Variants in FYB2 observed in about 807,000 individuals in gnomAD.
FYB2 encodes FYN binding protein 2, also known as FYN-binding protein 2.
Under a neutral mutation model 94.1 loss-of-function variants are expected in FYB2, and 103 were observed. The observed-to-expected ratio is 1.09, with a 90% CI of 0.93 to 1.29. The LOEUF is 1.29. Ranked by LOEUF, FYB2 falls within the 50% of genes most tolerant of loss-of-function variation. The pLI is 0.00. For missense variants in FYB2, 896 were observed against 841.5 expected, an observed-to-expected ratio of 1.06 and a Z score of -0.80; for synonymous variants, 293 against 287.9, an observed-to-expected ratio of 1.02 and a Z score of -0.18.
At chr1:56,778,264 T>A (rs1478959454) in intron 4 of FYB2, among the ~76,000 whole-genome samples, 1 of 152,178 alleles carries the variant, frequency 6.6e-6, no homozygotes, top group African/African-American at 2.4e-5. Flanking sequence ...CCCACCTATT[T>A]CTGTACACCA....
At chr1:56,746,075 GCTTT>G (rs1340573761) in intron 9 of FYB2, among the ~76,000 whole-genome samples, 1 of 143,080 alleles carries the variant, frequency 7.0e-6, no homozygotes, top group African/African-American at 2.8e-5. Flanking sequence ...CTCTTAGCTT[GCTTT>G]ATTTTTTCAT....
chr1:56,737,762 C>G (rs1557593765), intron 14 of FYB2: 1 of 152,034 alleles, frequency 6.6e-6, no homozygotes, highest in Non-Finnish European at 1.5e-5. Context: ...TTGAGACCTT[C>G]TAGTATAATT....
intron 1 of FYB2, among the ~76,000 whole-genome samples, chr1:56,802,372 A>G (rs1646542430): frequency 6.6e-6 from 1 of 152,206 alleles, no homozygotes; most frequent in African/African-American, 2.4e-5. Context: ...TTATGCAGGC[A>G]ATTACCTAAC....
chr1:56,817,344 C>T (rs1646907524), intron 1 of FYB2, among the ~76,000 whole-genome samples: 1 of 152,188 alleles, frequency 6.6e-6, no homozygotes, highest in South Asian at 2.1e-4. Flanking sequence ...CCCATTAATT[C>T]CTATACCTTT....
At chr1:56,805,894 T>C (rs938680209) in intron 1 of FYB2, among the ~76,000 whole-genome samples, 10 of 152,146 alleles carry the variant, frequency 6.6e-5, no homozygotes, top group African/African-American at 2.4e-4. Context: ...GAACTGTAAG[T>C]CCATTAAACC....
At chr1:56,792,010 G>A in intron 2 of FYB2, 46 bp downstream of exon 2, 1 of 1,515,532 alleles carries the variant, frequency 6.6e-7, no homozygotes, top group Non-Finnish European at 8.8e-7. Flanking sequence ...AGAAAAACAT[G>A]ATGACACCTC....
At chr1:56,781,082 T>G (rs571136473) in intron 4 of FYB2, among the ~76,000 whole-genome samples, 1 of 152,330 alleles carries the variant, frequency 6.6e-6, no homozygotes, top group South Asian at 2.1e-4. Context: ...CTTAATTACC[T>G]GAAGTGCAGC....
intron 5 of FYB2, among the ~76,000 whole-genome samples, chr1:56,766,933 C>G (rs1181813132): frequency 6.6e-6 from 1 of 152,204 alleles, no homozygotes; most frequent in Non-Finnish European, 1.5e-5. Context: ...GTAGCATAAA[C>G]TTGTGGAAAA....
At chr1:56,764,549 C>T (rs1044602237) in intron 5 of FYB2, among the ~76,000 whole-genome samples, 1 of 100,084 alleles carries the variant, frequency 1.0e-5, no homozygotes, top group Non-Finnish European at 1.8e-5. Context: ...CTAACATTGT[C>T]ATTTTTTTTT....
rs985046872 is a variant in FYB2 at position 56,805,061 on chromosome 1, T to C, written c.10-12258A>G. Among the ~76,000 whole-genome samples, 9 of 152,320 alleles carry C rather than the reference T, an allele frequency of 5.9e-5. No homozygotes were observed. In the South Asian group the frequency reaches 6.2e-4, roughly 11 times the overall value. On this transcript the variant is annotated intron_variant, in intron 1 of 19. Coordinates refer to ENST00000343433, the MANE Select transcript of FYB2 (RefSeq NM_001004303.5). ...ATTTTTTAGCTGAGTTACCAATCCC[T>C]CCGAGCAGCTTTTTCCAGTTCTTAG...
chr1:56,771,553 G>C (rs181366353), intron 4 of FYB2, among the ~76,000 whole-genome samples: 6 of 152,246 alleles, frequency 3.9e-5, no homozygotes, highest in Admixed American at 6.5e-5. Flanking sequence ...CCTCTGTACT[G>C]TCCGCATTTG....
intron 4 of FYB2, among the ~76,000 whole-genome samples, chr1:56,780,404 C>G (rs545491089): frequency 1.3e-5 from 2 of 152,214 alleles, no homozygotes; most frequent in African/African-American, 2.4e-5. Flanking sequence ...ATGTGTAGAG[C>G]AAGCCATGAG....
At chr1:56,739,017 G>T (rs145600455) in intron 13 of FYB2, among the ~76,000 whole-genome samples, 106 of 152,146 alleles carry the variant, frequency 7.0e-4, no homozygotes, top group African/African-American at 2.5e-3. Context: ...AAGCATGGAG[G>T]CATGAGACAC....
intron 13 of FYB2, among the ~76,000 whole-genome samples, chr1:56,738,865 C>T (rs946895043): frequency 6.6e-6 from 1 of 151,964 alleles, no homozygotes; most frequent in African/African-American, 2.4e-5. Context: ...ATGGGTAATC[C>T]AGGTTTGGGA....
At chr1:56,726,958 T>TG (rs1455990394) in intron 15 of FYB2, among the ~76,000 whole-genome samples, 16 of 152,126 alleles carry the variant, frequency 1.1e-4, no homozygotes, top group South Asian at 2.1e-4. Flanking sequence ...TTGTTTTTTT[T>TG]TTTGCCTCTA....
chr1:56,823,581 A>G (rs184687684), upstream of FYB2: 1 of 152,302 alleles, frequency 6.6e-6, no homozygotes, highest in East Asian at 1.9e-4. Flanking sequence ...TCGCATCTCA[A>G]TTTTGTGCTC....
At chr1:56,824,505 G>A (rs1647012740), upstream of FYB2, 1 of 152,300 alleles carries the variant, frequency 6.6e-6, no homozygotes, top group Admixed American at 6.5e-5. Context: ...CACATATGTT[G>A]GAAAGTTCTA....
In FYB2 at chr1:56,760,334, A is replaced by T. The variant is rs541670365; in HGVS notation, c.1064-1584T>A. Reference sequence around the variant, plus strand: ...TATGTTGCATTTCCAAGCTTTTATTATTCTAAACATATAATACACTGACAA... The same window carrying T: ...TATGTTGCATTTCCAAGCTTTTATTTTTCTAAACATATAATACACTGACAA... On this transcript the variant is annotated intron_variant, in intron 5 of 19. Coordinates refer to ENST00000343433, the MANE Select transcript of FYB2 (RefSeq NM_001004303.5). Among the ~76,000 whole-genome samples the T allele has an allele frequency of 2.0e-4, 31 of 152,290 alleles. No individual in the cohort carries two copies. The South Asian group carries it at 5.4e-3, about 26-fold the overall frequency.
At chr1:56,790,282 C>T (rs1017928017) in intron 2 of FYB2, among the ~76,000 whole-genome samples, 5 of 152,194 alleles carry the variant, frequency 3.3e-5, no homozygotes, top group South Asian at 2.1e-4. Flanking sequence ...CCACCCACAG[C>T]GGGTTACATC....
Sources: allele counts gnomAD v4.1 joint callset (sites outside exome capture counted in the v4.1 genomes callset), GRCh38; gene constraint gnomAD v4.1.1; transcripts MANE v1.5; gene names NCBI Gene and HGNC (gene_info 2026-07-23, HGNC 2026-07-21).